Variants in DUSP29 observed in about 807,000 individuals in gnomAD.
The protein encoded by DUSP29 is atypical dual-specific protein phosphatase.
In DUSP29, 12 loss-of-function variants were observed where a neutral mutation model predicts 13.5. That is an observed-to-expected ratio of 0.89 (90% CI 0.57 to 1.44). The LOEUF is 1.44. Ranked by LOEUF, DUSP29 falls within the 40% of genes most tolerant of loss-of-function variation. The pLI, the probability that DUSP29 is intolerant of heterozygous loss-of-function variation, is 0.00. For missense variants in DUSP29, 308 were observed against 301.1 expected (o/e 1.02, Z -0.17); for synonymous variants, 134 against 128.7 (o/e 1.04, Z -0.28).
intron 1 of DUSP29, among the ~76,000 whole-genome samples, chr10:75,059,093 G>C (rs1031846638): frequency 5.9e-5 from 9 of 152,192 alleles, no homozygotes; most frequent in African/African-American, 1.9e-4. Flanking sequence ...GCCTTGAGAG[G>C]GGAGGAAACC....
chr10:75,057,924 T>C (rs1298607554), intron 2 of DUSP29, among the ~76,000 whole-genome samples: 4 of 152,208 alleles, frequency 2.6e-5, no homozygotes, highest in African/African-American at 9.7e-5. Flanking sequence ...TGCTCTTTCT[T>C]TCCCTCCACC....
intron 1 of DUSP29, among the ~76,000 whole-genome samples, chr10:75,072,229 G>T (rs182436433): frequency 1.3e-5 from 2 of 152,142 alleles, no homozygotes; most frequent in Non-Finnish European, 2.9e-5. Flanking sequence ...AACACAAGCC[G>T]CCTATAGACA....
At chr10:75,071,096 G>A (rs1358526400) in intron 1 of DUSP29, among the ~76,000 whole-genome samples, 2 of 152,198 alleles carry the variant, frequency 1.3e-5, no homozygotes, top group African/African-American at 4.8e-5. Flanking sequence ...AGAGCAAAGG[G>A]GCTACACCCC....
At chr10:75,060,482 A>C (rs1847064231) in intron 1 of DUSP29, among the ~76,000 whole-genome samples, 3 of 152,070 alleles carry the variant, frequency 2.0e-5, no homozygotes, top group South Asian at 4.1e-4. Context: ...AAAAAAAAAA[A>C]AAACCCAAAA....
chr10:75,066,538 A>G (rs1847205625), intron 1 of DUSP29, among the ~76,000 whole-genome samples: 1 of 152,214 alleles, frequency 6.6e-6, no homozygotes, highest in African/African-American at 2.4e-5. Context: ...ACGAAATTAT[A>G]TGTGATTTTT....
intron 1 of DUSP29, among the ~76,000 whole-genome samples, chr10:75,071,063 C>T (rs1179794529): frequency 6.6e-6 from 1 of 152,164 alleles, no homozygotes; most frequent in Admixed American, 6.5e-5. Context: ...TGCCACCAGG[C>T]CTCTACCCCA....
intron 2 of DUSP29, among the ~76,000 whole-genome samples, chr10:75,058,035 C>T (rs971096677): frequency 1.3e-5 from 2 of 152,162 alleles, no homozygotes; most frequent in South Asian, 2.1e-4. Flanking sequence ...AGGACAGTGG[C>T]GCAGAAACAC....
rs1847240810 is a variant in DUSP29, at chr10:75,068,026, T to G, written c.-35+5543A>C. Among the ~76,000 whole-genome samples, 3 of 152,136 alleles carry G rather than the reference T, an allele frequency of 2.0e-5. No homozygotes were observed. The South Asian group carries it at 6.2e-4, about 31-fold the overall frequency. On this transcript the variant is annotated intron_variant, in intron 1 of 3. Coordinates refer to ENST00000338487, the MANE Select transcript of DUSP29 (RefSeq NM_001003892.3). ...TGGGGTTTCACCATGTTGGCTAGGC[T>G]GGTCTTGAACTCCTGACCTCAAATG...
chr10:75,043,708 C>T lies in DUSP29; in HGVS notation c.421+89G>A, dbSNP rs938396190. The T allele has an allele frequency of 3.9e-5, 42 of 1,079,970 alleles. No homozygotes were observed. In the African/African-American group the frequency reaches 1.1e-3, roughly 29 times the overall value. 66.9% of individuals were successfully genotyped at this position (1,079,970 alleles called of 1,614,324 possible). A position where few individuals can be genotyped will look rare whatever the true frequency, so the allele number is the denominator to read the frequency against. On this transcript the variant is annotated intron_variant, in intron 3 of 3. Coordinates refer to ENST00000338487, the MANE Select transcript of DUSP29 (RefSeq NM_001003892.3). ...GGCTAGGGGCGGAGCCTTAGTGGGG[C>T]GGGGAAGGGGCGGGGCCTAAGCTAC... is the stretch of plus-strand genomic sequence containing the variant.
intron 1 of DUSP29, among the ~76,000 whole-genome samples, chr10:75,064,434 G>A (rs1847153657): frequency 1.3e-5 from 2 of 152,148 alleles, no homozygotes; most frequent in East Asian, 1.9e-4. Context: ...CTTGAACCTG[G>A]GAGGCAGAGG....
At chr10:75,067,034 T>C (rs1847219349) in intron 1 of DUSP29, among the ~76,000 whole-genome samples, 2 of 149,870 alleles carry the variant, frequency 1.3e-5, no homozygotes, top group Non-Finnish European at 3.0e-5. Context: ...CTCAGCTCAC[T>C]GCAACCTCTG....
At chr10:75,058,150 C>G (rs566065186) in intron 2 of DUSP29, among the ~76,000 whole-genome samples, 165 bp downstream of exon 2, 1 of 152,246 alleles carries the variant, frequency 6.6e-6, no homozygotes, top group Non-Finnish European at 1.5e-5. Flanking sequence ...TTGCCTAAGA[C>G]TTTGTTTAGG....
chr10:75,038,786 C>T (rs1251273902), intron 3 of DUSP29, among the ~76,000 whole-genome samples: 1 of 152,132 alleles, frequency 6.6e-6, no homozygotes, highest in East Asian at 1.9e-4. Context: ...GGACACTAAG[C>T]TCTGGTAGGA....
At chr10:75,068,680 T>C (rs1020060740) in intron 1 of DUSP29, among the ~76,000 whole-genome samples, 1 of 152,164 alleles carries the variant, frequency 6.6e-6, no homozygotes, top group Non-Finnish European at 1.5e-5. Flanking sequence ...AAAAATGTTA[T>C]TGTGGTTGGG....
chr10:75,040,891 G>A (rs1846566602), intron 3 of DUSP29, among the ~76,000 whole-genome samples: 1 of 152,162 alleles, frequency 6.6e-6, no homozygotes, highest in African/African-American at 2.4e-5. Context: ...GATGGGAGAG[G>A]GCCCCAGGGG....
At position 75,043,926 on chromosome 10, in the gene DUSP29, G is replaced by T; in HGVS notation, c.292C>A (p.Pro98Thr). 5 of 1,613,892 alleles carry T rather than the reference G, an allele frequency of 3.1e-6. No homozygotes were observed. Among genetic ancestry groups the T allele is most frequent in the Non-Finnish European group, 4.2e-6 (5 of 1,179,940 alleles). Residue 98 changes from proline to threonine, a missense_variant, in exon 3 of 4, where the codon CCC (proline) becomes ACC (threonine). Physicochemically the swap from Pro to Thr is conservative, Grantham distance 38. Transcript: ENST00000338487. ...ATGTCCATGTCGCGGTAGTAGTCGG[G>T]CCCAGTGTCCACGTTCCAGCGGCCG... is the stretch of plus-strand genomic sequence containing the variant. ...AHGRWNVDTG[P>T]DYYRDMDIQY...
chr10:75,045,556 G>C (rs1279551920), intron 2 of DUSP29, among the ~76,000 whole-genome samples: 3 of 152,212 alleles, frequency 2.0e-5, no homozygotes, highest in Non-Finnish European at 4.4e-5. Flanking sequence ...CTGTGGGGAG[G>C]TGGTGTTTAA....
At chr10:75,048,393 T>C (rs1414678026) in intron 2 of DUSP29, among the ~76,000 whole-genome samples, 3 of 149,738 alleles carry the variant, frequency 2.0e-5, no homozygotes, top group Non-Finnish European at 4.4e-5. Context: ...GTTTACTTTT[T>C]TTTTCTTTTT....
chr10:75,053,927 A>G (rs976873695), intron 2 of DUSP29, among the ~76,000 whole-genome samples: 2 of 152,194 alleles, frequency 1.3e-5, no homozygotes, highest in African/African-American at 4.8e-5. Context: ...TTCCTCCTTT[A>G]TAGGGTTGTT....
Sources: gnomAD v4.1 joint callset for allele counts (sites outside exome capture counted in the v4.1 genomes callset) on GRCh38, gnomAD v4.1.1 for gene constraint, MANE v1.5 for transcripts, NCBI Gene and HGNC (gene_info 2026-07-23, HGNC 2026-07-21) for gene names.